Variants in R3HDM2 observed in about 807,000 individuals in gnomAD.
R3HDM2 encodes the protein R3H domain-containing protein 2.
In R3HDM2, 38 loss-of-function variants were observed where a neutral mutation model predicts 124.5. The ratio of observed to expected loss-of-function variants is 0.31; its 90% CI spans 0.24 to 0.40. The LOEUF is 0.40. Among genes scored for constraint, R3HDM2 ranks in the 10% least tolerant of loss-of-function variants. The pLI is 1.00. For missense variants in R3HDM2, 869 were observed against 1,236.9 expected (o/e 0.70, Z 4.46); for synonymous variants, 391 against 448.0 (o/e 0.87, Z 1.61).
chr12:57,254,834 T>C lies in R3HDM2; in HGVS notation c.2912A>G (p.Lys971Arg), dbSNP rs2038413485. 1 of 1,612,066 alleles carries C rather than the reference T, an allele frequency of 6.2e-7. No individual in the cohort carries two copies. The change falls in exon 24 of 24, where the codon AAA becomes AGA. Residue 971 changes from lysine to arginine, a missense_variant. By Grantham distance (26) the Lys-to-Arg change is conservative. Coordinates refer to ENST00000402412, the MANE Select transcript of R3HDM2 (RefSeq NM_001394031.1). ...LRLNNSVSRFKLRMAKKNYDL... is the reference protein window; with the variant it reads ...LRLNNSVSRFRLRMAKKNYDL... ...ATAGTTCTTTTTGGCCATTCGAAGT[T>C]TGAAGCGACTCACGGAGTTGTTGAG...
chr12:57,352,524 ACT>A (rs1362413181), intron 2 of R3HDM2, among the ~76,000 whole-genome samples: 2 of 142,662 alleles, frequency 1.4e-5, no homozygotes, highest in Non-Finnish European at 3.0e-5. Flanking sequence ...ATGGATCATC[ACT>A]CTGTCACCCA....
In R3HDM2 at chr12:57,259,745, T is replaced by C. The variant is rs539052301; in HGVS notation, c.2132-686A>G. Reference sequence around the variant, plus strand: ...ATGTGCTAGTTCCTATGTTGGGCACTGAGTGTACAAAAAACAAGGCTGTCC... The same window carrying C: ...ATGTGCTAGTTCCTATGTTGGGCACCGAGTGTACAAAAAACAAGGCTGTCC... On this transcript the variant is annotated intron_variant, in intron 19 of 23. Coordinates refer to ENST00000402412, the MANE Select transcript of R3HDM2 (RefSeq NM_001394031.1). Among the ~76,000 whole-genome samples the C allele has an allele frequency of 3.3e-5, 5 of 152,310 alleles. No homozygotes were observed. The South Asian group carries it at 8.3e-4, about 25-fold the overall frequency.
At chr12:57,415,529 T>A (rs562558072) in intron 1 of R3HDM2, 1 of 152,016 alleles carries the variant, frequency 6.6e-6, no homozygotes, top group African/African-American at 2.4e-5. Flanking sequence ...CCACAGCTGT[T>A]TCTTAATTTT....
chr12:57,424,052 T>TGC (rs2070462387), intron 1 of R3HDM2, among the ~76,000 whole-genome samples: 1 of 132,314 alleles, frequency 7.6e-6, no homozygotes, highest in Admixed American at 8.8e-5. Flanking sequence ...AGTCGGAGGT[T>TGC]GCGGTGAGCC....
At chr12:57,262,487 T>C (rs1376591574) in intron 19 of R3HDM2, among the ~76,000 whole-genome samples, 1 of 152,198 alleles carries the variant, frequency 6.6e-6, no homozygotes, top group Non-Finnish European at 1.5e-5. Context: ...TTATGTCTCA[T>C]ACTATAGTGA....
At chr12:57,395,506 A>T (rs905420900) in intron 2 of R3HDM2, among the ~76,000 whole-genome samples, 96 of 151,960 alleles carry the variant, frequency 6.3e-4, no homozygotes, top group Non-Finnish European at 1.0e-3. Flanking sequence ...TTCATCTCAA[A>T]AAAAAAAAGG....
intron 14 of R3HDM2, among the ~76,000 whole-genome samples, chr12:57,277,858 C>A (rs1241191995): frequency 6.6e-6 from 1 of 152,108 alleles, no homozygotes; most frequent in African/African-American, 2.4e-5. Flanking sequence ...AGAAACTGAA[C>A]AATAATTATT....
intron 2 of R3HDM2, among the ~76,000 whole-genome samples, chr12:57,377,671 G>A (rs1386584024): frequency 6.6e-6 from 1 of 152,096 alleles, no homozygotes; most frequent in African/African-American, 2.4e-5. Context: ...TGGGCAGCAA[G>A]CCCCTTTTGC....
At chr12:57,266,606 G>T in intron 19 of R3HDM2, 125 bp downstream of exon 19, 13 of 724,970 alleles carry the variant, frequency 1.8e-5, no homozygotes, top group Middle Eastern at 2.4e-4. Flanking sequence ...TCTTTGTGAT[G>T]GAGTCACAGT....
intron 1 of R3HDM2, among the ~76,000 whole-genome samples, chr12:57,425,770 C>T (rs1046272687): frequency 6.6e-6 from 1 of 152,156 alleles, no homozygotes; most frequent in Non-Finnish European, 1.5e-5. Context: ...TGCACTCCAG[C>T]CTGGGAGACA....
At chr12:57,349,176 T>C (rs895660767) in intron 2 of R3HDM2, among the ~76,000 whole-genome samples, 5 of 151,306 alleles carry the variant, frequency 3.3e-5, no homozygotes, top group South Asian at 2.1e-4. Flanking sequence ...GTCAGGAGAT[T>C]GAGACCATCC....
intron 2 of R3HDM2, among the ~76,000 whole-genome samples, chr12:57,390,210 T>C (rs992700166): frequency 6.6e-6 from 1 of 150,748 alleles, no homozygotes; most frequent in Admixed American, 6.6e-5. Context: ...AGAAAAAATA[T>C]ATGAAACAAT....
At chr12:57,284,673 T>C (rs1355796153) in intron 12 of R3HDM2, among the ~76,000 whole-genome samples, 4 of 152,240 alleles carry the variant, frequency 2.6e-5, no homozygotes, top group Admixed American at 1.3e-4. Flanking sequence ...GGAAATTCCA[T>C]GTTACTGTCT....
intron 7 of R3HDM2, chr12:57,297,802 A>T: frequency 2.6e-6 from 1 of 382,036 alleles, no homozygotes; most frequent in Non-Finnish European, 4.7e-6. Context: ...TCTTACTATC[A>T]CTCCCAATGT....
In R3HDM2 at chr12:57,256,429, A is replaced by G. The variant is rs1362306605; in HGVS notation, c.2532T>C (p.Thr844=). The change falls in exon 22 of 24, where the codon ACT becomes ACC. Residue 844 remains threonine, a synonymous_variant. Transcript: ENST00000402412. Reference sequence around the variant, plus strand: ...ACACCCTTACCTGGTGCACCGTGTAAGTTGACTGGCCATGGAGCAAGGGAG... The same window carrying G: ...ACACCCTTACCTGGTGCACCGTGTAGGTTGACTGGCCATGGAGCAAGGGAG... ...ICPPLLHGQS[T]YTVHQGQSGL... is the part of the protein sequence containing the mutation. 1.3e-6 allele frequency: 2 copies of G among 1,592,452 alleles called. No homozygotes were observed. Among genetic ancestry groups the G allele is most frequent in the Non-Finnish European group, 1.7e-6 (2 of 1,168,654 alleles).
chr12:57,286,760 C>T (rs1226511884), intron 12 of R3HDM2, among the ~76,000 whole-genome samples: 1 of 152,058 alleles, frequency 6.6e-6, no homozygotes, highest in Non-Finnish European at 1.5e-5. Flanking sequence ...TGCCTGTAAT[C>T]CCAGCTACTC....
At chr12:57,285,161 A>G (rs1209842465) in intron 12 of R3HDM2, among the ~76,000 whole-genome samples, 1 of 152,194 alleles carries the variant, frequency 6.6e-6, no homozygotes, top group Non-Finnish European at 1.5e-5. Flanking sequence ...ATCAAAAGCA[A>G]ATAGGAAACC....
intron 1 of R3HDM2, among the ~76,000 whole-genome samples, chr12:57,428,870 C>T (rs1197344488): frequency 6.6e-6 from 1 of 151,764 alleles, no homozygotes; most frequent in Non-Finnish European, 1.5e-5. Context: ...CCTCAGCCTG[C>T]CAAGAAGCTG....
In R3HDM2 at chr12:57,254,283, C is replaced by T. The variant is rs1224859420; in HGVS notation, c.*490G>A. The T allele has an allele frequency of 2.2e-6, 1 of 447,858 alleles. No homozygotes were observed. Among genetic ancestry groups the T allele is most frequent in the Non-Finnish European group, 4.4e-6 (1 of 225,010 alleles). 27.7% of individuals were successfully genotyped at this position (447,858 alleles called of 1,614,324 possible). A position where few individuals can be genotyped will look rare whatever the true frequency, so the allele number is the denominator to read the frequency against. ...TGGAAGGCCAAGGCAGGTGGATCAC[C>T]TGAGGTCAGGAGTTTGAGGCCAGCC... On this transcript the variant is annotated 3_prime_UTR_variant, in exon 24 of 24. Transcript: ENST00000402412.
Sources: allele counts gnomAD v4.1 joint callset (sites outside exome capture counted in the v4.1 genomes callset), GRCh38; gene constraint gnomAD v4.1.1; transcripts MANE v1.5; gene names NCBI Gene and HGNC (gene_info 2026-07-23, HGNC 2026-07-21).